F5: variants seen among roughly 807,000 people sequenced by gnomAD.
F5 encodes activated protein c cofactor.
A neutral mutation model predicts 216.4 loss-of-function variants in F5; 138 were observed. That is an observed-to-expected ratio of 0.64 (90% CI 0.56 to 0.73). The LOEUF (loss-of-function observed/expected upper bound fraction) is 0.73. Ranked by LOEUF, F5 falls within the 30% of genes least tolerant of loss-of-function variation. The probability of loss-of-function intolerance (pLI) is 0.00; values close to 1 mark genes in which losing one functional copy is unlikely to be tolerated. For missense variants in F5, 2,403 were observed against 2,674.0 expected (o/e 0.90, Z 2.24); for synonymous variants, 916 against 930.7 (o/e 0.98, Z 0.29).
At chr1:169,547,570 C>T (rs1660042815) in intron 10 of F5, among the ~76,000 whole-genome samples, 1 of 151,958 alleles carries the variant, frequency 6.6e-6, no homozygotes, top group African/African-American at 2.4e-5. Flanking sequence ...CACATGTGGC[C>T]AAAGAGCATA....
chr1:169,545,325 G>A (rs1235539588), intron 11 of F5, among the ~76,000 whole-genome samples: 1 of 152,162 alleles, frequency 6.6e-6, no homozygotes, highest in Non-Finnish European at 1.5e-5. Flanking sequence ...CTTGAAATAT[G>A]GGTAGACTGG....
At position 169,540,575 on chromosome 1, in the gene F5, C is replaced by G; in HGVS notation, c.4515G>C (p.Lys1505Asn). 3 of 1,613,934 alleles carry G rather than the reference C, an allele frequency of 1.9e-6. No individual in the cohort carries two copies. The highest frequency in any genetic ancestry group is 2.5e-6 in the Non-Finnish European group (3 of 1,179,954). Residue 1505 changes from lysine to asparagine, a missense_variant, in exon 13 of 25, where the codon AAG (lysine) becomes AAC (asparagine). Transcript: ENST00000367797. ...CCACTATAACCAGTGGATTAAATTC[C>G]TTTGATAGAAAAGTATCATTGAGAG... ...SPTLNDTFLS[K>N]EFNPLVIVGL...
In F5 at chr1:169,541,725, G is replaced by C; in HGVS notation, c.3365C>G (p.Pro1122Arg). ...GAATGTTTGATAGTGTTCCTCTGGG[G>C]GCACTGTCTGATAAAGACCTGGAGG... Reference protein sequence around the residue: ...SCPPGLYQTVPPEEHYQTFPI... With the variant: ...SCPPGLYQTVRPEEHYQTFPI... The change falls in exon 13 of 25, where the codon CCC becomes CGC. Residue 1122 changes from proline (P) to arginine (R), a missense_variant. Coordinates refer to ENST00000367797, the MANE Select transcript of F5 (RefSeq NM_000130.5). 6.2e-7 allele frequency: 1 copy of C among 1,613,986 alleles called. No individual in the cohort carries two copies. The highest frequency in any genetic ancestry group is 8.5e-7 in the Non-Finnish European group (1 of 1,179,956).
rs1430228886 is a variant in F5, at chr1:169,530,936, A to G, written c.5058T>C (p.Tyr1686=). The G allele has an allele frequency of 8.7e-6, 14 of 1,613,824 alleles. No individual in the cohort carries two copies. Among genetic ancestry groups the G allele is most frequent in the Non-Finnish European group, 1.1e-5 (13 of 1,179,850 alleles). The change falls in exon 15 of 25, where the codon TAT becomes TAC. Residue 1686 remains tyrosine, a synonymous_variant. Transcript: ENST00000367797. ...TAAACCATTCAGGAGAGTCATCTTC[A>G]TAAGTCTTTCCCTCTGATGATTTTT... The part of the protein sequence containing the change: ...SYEKSSEGKT[Y]EDDSPEWFKE...
chr1:169,562,802 T>C (rs1321598141), intron 3 of F5, among the ~76,000 whole-genome samples: 7 of 152,166 alleles, frequency 4.6e-5, no homozygotes, highest in Admixed American at 6.6e-5. Flanking sequence ...ATACATAATA[T>C]ACCCCACAAT....
At chr1:169,527,336 C>A (rs1297698969) in intron 17 of F5, among the ~76,000 whole-genome samples, 1 of 152,172 alleles carries the variant, frequency 6.6e-6, no homozygotes, top group Non-Finnish European at 1.5e-5. Flanking sequence ...AGAAACATCC[C>A]TTCTGTATAA....
intron 14 of F5, among the ~76,000 whole-genome samples, chr1:169,534,470 C>A (rs1265485863): frequency 6.6e-6 from 1 of 152,116 alleles, no homozygotes; most frequent in Non-Finnish European, 1.5e-5. Flanking sequence ...GAGTTTGAGA[C>A]CAGCCTGGCC....
intron 23 of F5, among the ~76,000 whole-genome samples, chr1:169,517,900 T>C (rs1659194691): frequency 1.3e-5 from 2 of 152,164 alleles, no homozygotes; most frequent in African/African-American, 2.4e-5. Context: ...TAAGAGATGA[T>C]GTTGCAAATC....
chr1:169,557,966 T>C (rs1209746846), intron 5 of F5, among the ~76,000 whole-genome samples: 1 of 152,202 alleles, frequency 6.6e-6, no homozygotes, highest in Non-Finnish European at 1.5e-5. Context: ...GGTCTTTCCC[T>C]ACCTTGTCCC....
At chr1:169,551,146 T>C (rs534589840) in intron 8 of F5, among the ~76,000 whole-genome samples, 1 of 152,160 alleles carries the variant, frequency 6.6e-6, no homozygotes, top group Admixed American at 6.5e-5. Flanking sequence ...TTTAGGACAC[T>C]GTCTTTGAAG....
intron 10 of F5, among the ~76,000 whole-genome samples, chr1:169,548,236 T>C (rs775618324): frequency 2.0e-5 from 3 of 152,048 alleles, no homozygotes; most frequent in Non-Finnish European, 4.4e-5. Flanking sequence ...AAATAACTAA[T>C]GGATACTAGG....
rs1013041820 is a variant in F5, at chr1:169,512,520, C to T, written c.*1793G>A. On this transcript the variant is annotated 3_prime_UTR_variant, in exon 25 of 25. Coordinates refer to ENST00000367797, the MANE Select transcript of F5 (RefSeq NM_000130.5). ...ACTGCAAAGCATTAAATTTAGCATG[C>T]GGTCCTTCTGAGCATGTGACCCTTT... Among the ~76,000 whole-genome samples the T allele has an allele frequency of 1.3e-5, 2 of 152,026 alleles. No individual in the cohort carries two copies. The highest frequency in any genetic ancestry group is 2.9e-5 in the Non-Finnish European group (2 of 67,976).
chr1:169,560,943 A>G (rs1184683048), intron 3 of F5, among the ~76,000 whole-genome samples, 177 bp from the exon 4 acceptor site: 1 of 152,200 alleles, frequency 6.6e-6, no homozygotes, highest in Non-Finnish European at 1.5e-5. Context: ...ATGTACTTAC[A>G]AAGGCTTTGA....
At chr1:169,535,426 GT>G (rs1659681909) in intron 14 of F5, among the ~76,000 whole-genome samples, 1 of 152,128 alleles carries the variant, frequency 6.6e-6, no homozygotes, top group Admixed American at 6.6e-5. Context: ...AATGCAAGTG[GT>G]TTTTGGTTAC....
chr1:169,536,638 G>A lies in F5; in HGVS notation c.4839C>T (p.Thr1613=). Residue 1613 remains threonine (T), a synonymous_variant, in exon 14 of 25, where the codon ACC becomes ACT. Coordinates refer to ENST00000367797, the MANE Select transcript of F5 (RefSeq NM_000130.5). ...TTCGAAAAACTACTTTCTTATATGT[G>A]GTATCTTCTGGAATATCATCAGAGT... The part of the protein sequence containing the change: ...IEDSDDIPED[T]TYKKVVFRKY... The A allele has an allele frequency of 6.2e-7, 1 of 1,612,336 alleles. No individual in the cohort carries two copies. The highest frequency in any genetic ancestry group is 8.5e-7 in the Non-Finnish European group (1 of 1,178,644).
At chr1:169,582,565 T>C in intron 1 of F5, 43 bp from the exon 2 acceptor site, 1 of 1,063,516 alleles carries the variant, frequency 9.4e-7, no homozygotes, top group Admixed American at 1.9e-5. Flanking sequence ...GCATATTCAA[T>C]ATCTATTTCT....
chr1:169,546,340 C>A (rs2101822643), intron 11 of F5, 102 bp downstream of exon 11: 2 of 1,393,666 alleles, frequency 1.4e-6, no homozygotes, highest in African/African-American at 1.4e-5. Context: ...TGGAGGTGCC[C>A]CTTAGCGAGT....
intron 2 of F5, among the ~76,000 whole-genome samples, chr1:169,580,388 GTTT>G (rs539235732): frequency 7.2e-6 from 1 of 138,108 alleles, no homozygotes; most frequent in Non-Finnish European, 1.5e-5. Flanking sequence ...TGTTGTTGTT[GTTT>G]TTTTTTTTTT....
Position 169,512,044 on chromosome 1 carries a change from C to T in F5, c.*2269G>A, listed in dbSNP as rs371085037. 9.9e-5 allele frequency among the ~76,000 whole-genome samples: 15 copies of T among 152,086 alleles called. No homozygotes were observed. The highest frequency in any genetic ancestry group is 3.6e-4 in the African/African-American group (15 of 41,504). ...ATAGCCCAAACATATTATTGATCCCCAAACAAGTATTTTCCAGATCAATTA... is the reference window on the plus strand; with the variant it reads ...ATAGCCCAAACATATTATTGATCCCTAAACAAGTATTTTCCAGATCAATTA... On this transcript the variant is annotated 3_prime_UTR_variant, in exon 25 of 25. Coordinates refer to ENST00000367797, the MANE Select transcript of F5 (RefSeq NM_000130.5).
Sources: allele counts gnomAD v4.1 joint callset (sites outside exome capture counted in the v4.1 genomes callset), GRCh38; gene constraint gnomAD v4.1.1; transcripts MANE v1.5; gene names NCBI Gene and HGNC (gene_info 2026-07-23, HGNC 2026-07-21).